L3MBTL4: variants seen among roughly 807,000 people sequenced by gnomAD.
L3MBTL4 encodes lethal(3)malignant brain tumor-like protein 4.
A neutral mutation model predicts 84.5 loss-of-function variants in L3MBTL4; 70 were observed. The ratio of observed to expected loss-of-function variants is 0.83; its 90% confidence interval spans 0.68 to 1.01. The LOEUF is 1.01. Ranked by LOEUF, L3MBTL4 falls within the 50% of genes least tolerant of loss-of-function variation. The pLI is 0.00. For missense variants in L3MBTL4, 715 were observed against 754.8 expected, an observed-to-expected ratio of 0.95 and a Z score of 0.62; for synonymous variants, 274 against 259.8, an observed-to-expected ratio of 1.05 and a Z score of -0.52.
chr18:6,343,177 T>C (rs1196463000), intron 1 of L3MBTL4, among the ~76,000 whole-genome samples: 1 of 152,180 alleles, frequency 6.6e-6, no homozygotes, highest in African/African-American at 2.4e-5. Context: ...CAACAACCCC[T>C]ACTTCCTCCA....
intron 1 of L3MBTL4, among the ~76,000 whole-genome samples, chr18:6,363,403 G>A (rs1158539919): frequency 6.6e-6 from 1 of 152,038 alleles, no homozygotes; most frequent in Non-Finnish European, 1.5e-5. Flanking sequence ...CCTCCAAACT[G>A]CAATGTTATG....
intron 7 of L3MBTL4, 117 bp downstream of exon 7, chr18:6,243,177 C>T: frequency 1.1e-6 from 1 of 888,646 alleles, no homozygotes; most frequent in Admixed American, 3.2e-5. Flanking sequence ...AACACAATTT[C>T]ATTTTGGAAA....
At chr18:6,110,190 T>C (rs539958843) in intron 14 of L3MBTL4, among the ~76,000 whole-genome samples, 8 of 152,326 alleles carry the variant, frequency 5.3e-5, no homozygotes, top group African/African-American at 1.9e-4. Context: ...AGACCCCTAT[T>C]GAGTTTCAAA....
intron 16 of L3MBTL4, among the ~76,000 whole-genome samples, chr18:6,000,728 T>C (rs1393351949): frequency 6.6e-6 from 1 of 152,204 alleles, no homozygotes. Context: ...TGAATTGGAA[T>C]GCAATAACAA....
intron 4 of L3MBTL4, among the ~76,000 whole-genome samples, chr18:6,266,818 G>A (rs1412335408): frequency 6.6e-6 from 1 of 152,168 alleles, no homozygotes; most frequent in Non-Finnish European, 1.5e-5. Context: ...AGCTACTTGG[G>A]AGGCTGAGGC....
intron 15 of L3MBTL4, among the ~76,000 whole-genome samples, chr18:6,093,086 A>G (rs1251169835): frequency 6.6e-6 from 1 of 152,242 alleles, no homozygotes; most frequent in East Asian, 1.9e-4. Flanking sequence ...GGAATGGTAC[A>G]AATGAGATAT....
chr18:6,027,853 C>G (rs751195705), intron 16 of L3MBTL4, among the ~76,000 whole-genome samples: 14 of 152,248 alleles, frequency 9.2e-5, no homozygotes, highest in Middle Eastern at 6.8e-3. Flanking sequence ...AGTGTCTGTT[C>G]ATATCCTTTG....
intron 16 of L3MBTL4, among the ~76,000 whole-genome samples, chr18:6,065,688 TTATAA>T (rs2057376810): frequency 6.6e-6 from 1 of 152,090 alleles, no homozygotes; most frequent in Non-Finnish European, 1.5e-5. Flanking sequence ...GTGGTATCAA[TTATAA>T]TATATCCAGT....
At chr18:6,101,763 T>A (rs908185050) in intron 14 of L3MBTL4, among the ~76,000 whole-genome samples, 3 of 152,248 alleles carry the variant, frequency 2.0e-5, no homozygotes, top group African/African-American at 7.2e-5. Flanking sequence ...CTCTAATTTA[T>A]CTTTCTATAA....
chr18:6,061,437 A>AT (rs1232349239), intron 16 of L3MBTL4, among the ~76,000 whole-genome samples: 1 of 144,954 alleles, frequency 6.9e-6, no homozygotes, highest in Non-Finnish European at 1.5e-5. Flanking sequence ...TCTGGGACTC[A>AT]TTTTTTTCAT....
At chr18:6,106,753 C>T (rs1462194648) in intron 14 of L3MBTL4, among the ~76,000 whole-genome samples, 1 of 152,164 alleles carries the variant, frequency 6.6e-6, no homozygotes, top group Non-Finnish European at 1.5e-5. Context: ...AACATTTTAC[C>T]TTACACAGCT....
At chr18:6,183,429 G>A (rs575113249) in intron 12 of L3MBTL4, among the ~76,000 whole-genome samples, 7 of 152,292 alleles carry the variant, frequency 4.6e-5, no homozygotes, top group Admixed American at 2.6e-4. Flanking sequence ...TGTAAAGGTC[G>A]TTGCCTTTGT....
intron 16 of L3MBTL4, among the ~76,000 whole-genome samples, chr18:5,984,340 T>C (rs1479170595): frequency 2.0e-5 from 3 of 152,260 alleles, no homozygotes; most frequent in Admixed American, 6.5e-5. Flanking sequence ...AATCCCATTA[T>C]TGAGCCATAC....
At chr18:6,270,048 C>G (rs1399998996) in intron 4 of L3MBTL4, among the ~76,000 whole-genome samples, 2 of 152,126 alleles carry the variant, frequency 1.3e-5, no homozygotes, top group African/African-American at 2.4e-5. Flanking sequence ...TTATGCTGCA[C>G]GTGACTTCAT....
chr18:5,957,843 C>T (rs777249984), intron 18 of L3MBTL4, among the ~76,000 whole-genome samples: 16 of 151,444 alleles, frequency 1.1e-4, no homozygotes, highest in Non-Finnish European at 2.4e-4. Flanking sequence ...GTGGCATGCG[C>T]CTGTAGTCCC....
chr18:6,264,490 A>C (rs1297408637), intron 4 of L3MBTL4, among the ~76,000 whole-genome samples: 1 of 152,210 alleles, frequency 6.6e-6, no homozygotes, highest in Non-Finnish European at 1.5e-5. Context: ...TCAAAGCTTA[A>C]AAATCGTTCC....
At chr18:6,096,732 C>T (rs1347098897) in intron 14 of L3MBTL4, among the ~76,000 whole-genome samples, 1 of 152,018 alleles carries the variant, frequency 6.6e-6, no homozygotes, top group Non-Finnish European at 1.5e-5. Context: ...TGGATTTAGC[C>T]AAATATTGGG....
intron 5 of L3MBTL4, chr18:6,260,366 T>C (rs2146338667): frequency 6.6e-6 from 1 of 152,322 alleles, no homozygotes; most frequent in African/African-American, 2.4e-5. Context: ...TATAGATTGC[T>C]TTGGGGAGTA....
At chr18:6,316,344 A>G (rs1184472501) in intron 1 of L3MBTL4, among the ~76,000 whole-genome samples, 1 of 152,186 alleles carries the variant, frequency 6.6e-6, no homozygotes. Flanking sequence ...GGGAAGGGGA[A>G]GTGCACCACA....
Sources: gnomAD v4.1 joint callset for allele counts (sites outside exome capture counted in the v4.1 genomes callset) on GRCh38, gnomAD v4.1.1 for gene constraint, MANE v1.5 for transcripts, NCBI Gene and HGNC (gene_info 2026-07-23, HGNC 2026-07-21) for gene names.